The following STK3 variants were observed in gnomAD, a reference collection of about 807,000 sequenced individuals.
STK3 encodes serine/threonine-protein kinase 3.
In STK3, 41 loss-of-function variants were observed where a neutral mutation model predicts 58.0. That is an observed-to-expected ratio of 0.71 (90% CI 0.55 to 0.92). The LOEUF (loss-of-function observed/expected upper bound fraction) is 0.92. Ranked by LOEUF, STK3 falls within the 40% of genes least tolerant of loss-of-function variation. The pLI, the probability that STK3 is intolerant of heterozygous loss-of-function variation, is 0.00. For missense variants in STK3, 479 were observed against 602.7 expected (o/e 0.79, Z 2.15); for synonymous variants, 170 against 191.0 (o/e 0.89, Z 0.91).
At chr8:98,700,075 G>T (rs927401152) in intron 6 of STK3, among the ~76,000 whole-genome samples, 1 of 152,178 alleles carries the variant, frequency 6.6e-6, no homozygotes, top group African/African-American at 2.4e-5. Context: ...AATGGCGGGC[G>T]CCCCTCCCCC....
At chr8:98,653,768 C>T (rs1210571683) in intron 6 of STK3, among the ~76,000 whole-genome samples, 2 of 152,132 alleles carry the variant, frequency 1.3e-5, no homozygotes, top group African/African-American at 4.8e-5. Context: ...ATACACCCTC[C>T]CAAGACTAAA....
chr8:98,649,642 T>C (rs1209042871), intron 6 of STK3, among the ~76,000 whole-genome samples: 2 of 152,238 alleles, frequency 1.3e-5, no homozygotes, highest in East Asian at 1.9e-4. Context: ...TTAGAATTTA[T>C]TTTAATATCT....
At chr8:98,868,990 AAAG>A (rs1484517130) in intron 3 of STK3, among the ~76,000 whole-genome samples, 1 of 148,846 alleles carries the variant, frequency 6.7e-6, no homozygotes, top group Non-Finnish European at 1.5e-5. Flanking sequence ...AAAAAGAAAG[AAAG>A]AAGAAAGAGA....
chr8:98,539,021 T>C (rs1237794442), intron 9 of STK3, among the ~76,000 whole-genome samples: 1 of 152,166 alleles, frequency 6.6e-6, no homozygotes, highest in Non-Finnish European at 1.5e-5. Context: ...TTTATTGTCA[T>C]ATCCCGGGCA....
chr8:98,543,402 C>A (rs1281949248), intron 9 of STK3, among the ~76,000 whole-genome samples: 1 of 151,932 alleles, frequency 6.6e-6, no homozygotes, highest in Non-Finnish European at 1.5e-5. Context: ...AGATTGGAGG[C>A]AGAGGATCAG....
At chr8:98,927,859 T>C (rs1234551449) in intron 1 of STK3, among the ~76,000 whole-genome samples, 1 of 152,186 alleles carries the variant, frequency 6.6e-6, no homozygotes, top group African/African-American at 2.4e-5. Flanking sequence ...CCATATATTA[T>C]GAAAAGAAGG....
intron 7 of STK3, among the ~76,000 whole-genome samples, chr8:98,594,289 C>G (rs968270315): frequency 1.3e-5 from 2 of 151,712 alleles, no homozygotes; most frequent in African/African-American, 4.8e-5. Context: ...GGGGGCAATA[C>G]AGTGAGACCC....
At chr8:98,858,468 G>C (rs1405301460) in intron 3 of STK3, among the ~76,000 whole-genome samples, 2 of 149,498 alleles carry the variant, frequency 1.3e-5, no homozygotes, top group Non-Finnish European at 3.0e-5. Context: ...CATCCATCCG[G>C]TAATTTTTTT....
At chr8:98,666,362 G>A (rs996990262) in intron 6 of STK3, among the ~76,000 whole-genome samples, 5 of 152,070 alleles carry the variant, frequency 3.3e-5, no homozygotes, top group Non-Finnish European at 7.4e-5. Context: ...GTAAGAAAAA[G>A]TAACCTTATA....
At chr8:98,729,433 A>G (rs544569715) in intron 4 of STK3, among the ~76,000 whole-genome samples, 3 of 152,316 alleles carry the variant, frequency 2.0e-5, no homozygotes, top group Non-Finnish European at 2.9e-5. Context: ...TCTATTAAAG[A>G]AACTAACACT....
chr8:98,625,929 G>C (rs1587071458), intron 6 of STK3, among the ~76,000 whole-genome samples: 1 of 152,254 alleles, frequency 6.6e-6, no homozygotes, highest in Non-Finnish European at 1.5e-5. Context: ...CAAACATGAG[G>C]AAGCAATCTA....
At chr8:98,371,461 G>A (rs1817610020) in exon 3 of STK3, 1 of 152,210 alleles carries the variant, frequency 6.6e-6, no homozygotes, top group Non-Finnish European at 1.5e-5. Flanking sequence ...TGCTGGAGCA[G>A]GGCTTTCATT....
At chr8:98,567,233 G>A (rs903284728) in intron 8 of STK3, among the ~76,000 whole-genome samples, 1 of 152,140 alleles carries the variant, frequency 6.6e-6, no homozygotes, top group Non-Finnish European at 1.5e-5. Flanking sequence ...TTGTGTTGTT[G>A]AGACAGGGTC....
chr8:98,457,017 G>A (rs78707044), intron 10 of STK3, among the ~76,000 whole-genome samples: 87 of 152,280 alleles, frequency 5.7e-4, no homozygotes, highest in African/African-American at 1.9e-3. Context: ...AAAATATTTT[G>A]AGAAATGACA....
At chr8:98,691,052 C>G (rs959496014) in intron 6 of STK3, among the ~76,000 whole-genome samples, 2 of 152,136 alleles carry the variant, frequency 1.3e-5, no homozygotes, top group Non-Finnish European at 2.9e-5. Flanking sequence ...ACGCTAGGAA[C>G]TCTAAAAGGA....
At chr8:98,397,347 G>A (rs1817905338), downstream of STK3, among the ~76,000 whole-genome samples, 1 of 152,034 alleles carries the variant, frequency 6.6e-6, no homozygotes, top group Non-Finnish European at 1.5e-5. Flanking sequence ...TGGGCAACAC[G>A]GTGAAATCCT....
At chr8:98,600,968 G>T (rs938463829) in intron 6 of STK3, among the ~76,000 whole-genome samples, 2 of 152,048 alleles carry the variant, frequency 1.3e-5, no homozygotes, top group Admixed American at 1.3e-4. Flanking sequence ...ATTCATAGCA[G>T]CAATTATGTA....
At chr8:98,631,665 T>C (rs2130512472) in intron 6 of STK3, among the ~76,000 whole-genome samples, 1 of 151,996 alleles carries the variant, frequency 6.6e-6, no homozygotes, top group East Asian at 1.9e-4. Context: ...TTTTCGTTTT[T>C]TTGTGTGTTT....
At chr8:98,587,008 C>G (rs1017129589) in intron 7 of STK3, among the ~76,000 whole-genome samples, 1 of 151,758 alleles carries the variant, frequency 6.6e-6, no homozygotes, top group Admixed American at 6.6e-5. Context: ...ATTAGTCTTG[C>G]TAGCGGTCTA....
Sources: gnomAD v4.1 joint callset for allele counts (sites outside exome capture counted in the v4.1 genomes callset) on GRCh38, gnomAD v4.1.1 for gene constraint, MANE v1.5 for transcripts, NCBI Gene and HGNC (gene_info 2026-07-23, HGNC 2026-07-21) for gene names.